PDE5A: variants seen among roughly 807,000 people sequenced by gnomAD.
The protein encoded by PDE5A is cGMP-specific 3',5'-cyclic phosphodiesterase.
In PDE5A, 67 loss-of-function variants were observed where a neutral mutation model predicts 110.2. The ratio of observed to expected loss-of-function variants is 0.61; its 90% CI spans 0.50 to 0.75. The LOEUF is 0.75. Among genes scored for constraint, PDE5A ranks in the 30% least tolerant of loss-of-function variants. The probability of loss-of-function intolerance (pLI) is 0.00; values close to 1 mark genes in which losing one functional copy is unlikely to be tolerated. For synonymous variants in PDE5A, 328 were observed against 351.2 expected (o/e 0.93, Z 0.74); for missense variants, 862 against 1,045.1 (o/e 0.82, Z 2.42).
chr4:119,625,233 G>A (rs370268829), intron 1 of PDE5A, among the ~76,000 whole-genome samples: 3 of 152,070 alleles, frequency 2.0e-5, no homozygotes, highest in African/African-American at 4.8e-5. Flanking sequence ...TCCTGACGTC[G>A]TGATCTGCCC....
intron 3 of PDE5A, among the ~76,000 whole-genome samples, chr4:119,574,138 C>A (rs1180807841): frequency 6.6e-6 from 1 of 151,374 alleles, no homozygotes; most frequent in Non-Finnish European, 1.5e-5. Context: ...CTACTACTCC[C>A]CACAGGAAAA....
At chr4:119,595,465 A>T (rs1194349792) in intron 3 of PDE5A, among the ~76,000 whole-genome samples, 1 of 152,170 alleles carries the variant, frequency 6.6e-6, no homozygotes, top group Non-Finnish European at 1.5e-5. Flanking sequence ...TTAGCATTTG[A>T]ATCAGTAGAC....
intron 9 of PDE5A, among the ~76,000 whole-genome samples, chr4:119,545,721 G>T (rs905669121): frequency 6.6e-6 from 1 of 152,072 alleles, no homozygotes; most frequent in African/African-American, 2.4e-5. Context: ...TCTTGGGATC[G>T]GATGTTGTTA....
intron 1 of PDE5A, among the ~76,000 whole-genome samples, chr4:119,621,132 C>A (rs1300830349): frequency 6.6e-6 from 1 of 152,188 alleles, no homozygotes; most frequent in African/African-American, 2.4e-5. Context: ...ATTATATCTG[C>A]TTTTATTTAT....
Position 119,497,250 on chromosome 4 carries a change from C to A in PDE5A, c.*1351G>T. 1 of 152,086 alleles carries A rather than the reference C, an allele frequency of 6.6e-6. No individual in the cohort carries two copies. Among genetic ancestry groups the A allele is most frequent in the Middle Eastern group, 3.2e-3 (1 of 316 alleles). 9.4% of individuals were successfully genotyped at this position (152,086 alleles called of 1,614,324 possible). Reference sequence around the variant, plus strand: ...TCTACTCTCCCCAAATCCAAACATTCCTGCATATTTGAAACAAATTTTCCT... The same window carrying A: ...TCTACTCTCCCCAAATCCAAACATTACTGCATATTTGAAACAAATTTTCCT... On this transcript the variant is annotated 3_prime_UTR_variant, in exon 21 of 21. Coordinates refer to ENST00000354960, the MANE Select transcript of PDE5A (RefSeq NM_001083.4).
chr4:119,517,042 G>C (rs967983364), intron 14 of PDE5A: 3 of 152,170 alleles, frequency 2.0e-5, no homozygotes, highest in Non-Finnish European at 4.4e-5. Flanking sequence ...ATCAAAGAAG[G>C]CATCAAATAA....
chr4:119,627,951 G>C lies in PDE5A; in HGVS notation c.152+569C>G. ...AAAGCGAGTGAAAGGAGGCGCGCGGGACAAGCAGGAGACTGGAAGGGGGGA... is the reference window on the plus strand; with the variant it reads ...AAAGCGAGTGAAAGGAGGCGCGCGGCACAAGCAGGAGACTGGAAGGGGGGA... On this transcript the variant is annotated intron_variant, in intron 1 of 20. Coordinates refer to ENST00000354960, the MANE Select transcript of PDE5A (RefSeq NM_001083.4). This position sits in a 1 kb window ranked among gnomAD's most constrained non-coding sequence, Gnocchi z 4.6. 1.6e-6 allele frequency: 1 copy of C among 645,072 alleles called. No individual in the cohort carries two copies. Among genetic ancestry groups the C allele is most frequent in the Non-Finnish European group, 1.9e-6 (1 of 518,244 alleles). 40.0% of individuals were successfully genotyped at this position (645,072 alleles called of 1,614,324 possible). A position where few individuals can be genotyped will look rare whatever the true frequency, so the allele number is the denominator to read the frequency against.
chr4:119,611,369 C>A (rs1459196630), intron 1 of PDE5A, among the ~76,000 whole-genome samples: 3 of 152,176 alleles, frequency 2.0e-5, no homozygotes, highest in Non-Finnish European at 4.4e-5. Context: ...CAAAATATTT[C>A]TTGAAGTAAA....
In PDE5A at chr4:119,495,710, G is replaced by GGTGT. The variant is rs1725035727; in HGVS notation, c.*2890_*2891insACAC. On this transcript the variant is annotated 3_prime_UTR_variant, in exon 21 of 21. Transcript: ENST00000354960. The stretch of plus-strand genomic sequence containing the variant: ...CTATTATTCAAAATTAAGAGACAGT[G>GGTGT]GTGACAACATCATCATCCTGGGTTT... The GGTGT allele has an allele frequency of 6.6e-6, 1 of 152,348 alleles. No homozygotes were observed. Among genetic ancestry groups the GGTGT allele is most frequent in the Non-Finnish European group, 1.5e-5 (1 of 68,016 alleles). 9.4% of individuals were successfully genotyped at this position (152,348 alleles called of 1,614,324 possible).
At position 119,505,919 on chromosome 4, in the gene PDE5A, A is replaced by G; in HGVS notation, c.2203T>C (p.Phe735Leu). 3 of 1,567,764 alleles carry G rather than the reference A, an allele frequency of 1.9e-6. No individual in the cohort carries two copies. In the South Asian group the frequency reaches 3.6e-5, roughly 19 times the overall value. The change falls in exon 17 of 21, where the codon TTT becomes CTT. Residue 735 changes from phenylalanine (F) to leucine (L), a missense_variant. Coordinates refer to ENST00000354960, the MANE Select transcript of PDE5A (RefSeq NM_001083.4). ...TGATTTTTTCTTATAAGTTCAAAAA[A>G]TTCTCCTCGCCTCCTACAATGTTTA... is the stretch of plus-strand genomic sequence containing the variant. ...LALYIKRRGE[F>L]FELIRKNQFN...
At chr4:119,524,310 C>A (rs1726234148) in intron 12 of PDE5A, among the ~76,000 whole-genome samples, 1 of 152,040 alleles carries the variant, frequency 6.6e-6, no homozygotes, top group African/African-American at 2.4e-5. Flanking sequence ...CATGCTGTCC[C>A]AATTTCTTCA....
intron 14 of PDE5A, among the ~76,000 whole-genome samples, chr4:119,512,063 A>T (rs1725761298): frequency 6.6e-6 from 1 of 152,068 alleles, no homozygotes; most frequent in East Asian, 1.9e-4. Context: ...AATACAACTG[A>T]TTTGTTATTT....
At chr4:119,557,245 AG>A (rs1383151223) in intron 7 of PDE5A, among the ~76,000 whole-genome samples, 1 of 152,194 alleles carries the variant, frequency 6.6e-6, no homozygotes, top group Non-Finnish European at 1.5e-5. Flanking sequence ...TCAGCTGTCT[AG>A]GATACTTCTG....
At chr4:119,509,356 T>C (rs1657639134) in intron 15 of PDE5A, among the ~76,000 whole-genome samples, 1 of 152,040 alleles carries the variant, frequency 6.6e-6, no homozygotes, top group Admixed American at 6.6e-5. Flanking sequence ...CCTGCAATAA[T>C]GCATATAGAA....
intron 6 of PDE5A, among the ~76,000 whole-genome samples, chr4:119,560,646 T>C (rs1417399138): frequency 6.6e-6 from 1 of 152,236 alleles, no homozygotes; most frequent in Non-Finnish European, 1.5e-5. Context: ...ATGGATTTAT[T>C]AGTTTCAAAA....
chr4:119,523,306 CA>C (rs1313019918), intron 12 of PDE5A, among the ~76,000 whole-genome samples: 2 of 151,936 alleles, frequency 1.3e-5, no homozygotes, highest in African/African-American at 4.8e-5. Context: ...CAGCAAGAGG[CA>C]ATGGTTACAG....
intron 3 of PDE5A, among the ~76,000 whole-genome samples, chr4:119,586,378 T>C (rs546136365): frequency 4.6e-4 from 70 of 152,346 alleles, no homozygotes; most frequent in African/African-American, 1.6e-3. Flanking sequence ...TTCCATTCTA[T>C]GGTAGAAGAG....
At chr4:119,568,695 T>G (rs1160013985) in intron 3 of PDE5A, among the ~76,000 whole-genome samples, 1 of 152,038 alleles carries the variant, frequency 6.6e-6, no homozygotes, top group Non-Finnish European at 1.5e-5. Context: ...GACATTTAAA[T>G]TTTTTTTCTC....
intron 3 of PDE5A, among the ~76,000 whole-genome samples, chr4:119,580,243 G>A (rs1417388919): frequency 2.0e-5 from 3 of 152,060 alleles, no homozygotes; most frequent in Admixed American, 2.0e-4. Flanking sequence ...TGCCACACTA[G>A]CTTTTAAGTA....
Sources: gnomAD v4.1 joint callset for allele counts (sites outside exome capture counted in the v4.1 genomes callset) on GRCh38, gnomAD v4.1.1 for gene constraint, Gnocchi (gnomAD v3.1) non-coding constraint, MANE v1.5 for transcripts, NCBI Gene and HGNC (gene_info 2026-07-23, HGNC 2026-07-21) for gene names.